PLEKHS1: variants seen among roughly 807,000 people sequenced by gnomAD.
PLEKHS1 encodes pleckstrin homology domain-containing family S member 1.
Under a neutral mutation model 51.0 loss-of-function variants are expected in PLEKHS1, and 55 were observed. The observed-to-expected ratio is 1.08, with a 90% CI of 0.87 to 1.35. The LOEUF (loss-of-function observed/expected upper bound fraction) is 1.35. Among genes scored for constraint, PLEKHS1 ranks in the 40% most tolerant of loss-of-function variants. The pLI, the probability that PLEKHS1 is intolerant of heterozygous loss-of-function variation, is 0.00. For missense variants in PLEKHS1, 398 were observed against 423.0 expected, an observed-to-expected ratio of 0.94 and a Z score of 0.52; for synonymous variants, 153 against 144.8, an observed-to-expected ratio of 1.06 and a Z score of -0.41.
exon 5 of PLEKHS1, chr10:113,767,421 G>A (rs777011662): frequency 7.4e-6 from 12 of 1,613,464 alleles, no homozygotes; most frequent in Non-Finnish European, 1.0e-5. Flanking sequence ...ATGCCACCCT[G>A]ATGAGGTCAT....
At chr10:113,760,705 A>C (rs1358282876) in intron 2 of PLEKHS1, among the ~76,000 whole-genome samples, 2 of 152,020 alleles carry the variant, frequency 1.3e-5, no homozygotes, top group East Asian at 3.9e-4. Context: ...TATATTCTGG[A>C]TAGTAGGCCC....
intron 7 of PLEKHS1, among the ~76,000 whole-genome samples, chr10:113,770,995 G>A (rs531713823): frequency 6.6e-6 from 1 of 152,266 alleles, no homozygotes; most frequent in African/African-American, 2.4e-5. Flanking sequence ...AAACACACCT[G>A]TATTTTAAAA....
At chr10:113,775,974 C>A in intron 11 of PLEKHS1, 108 bp downstream of exon 11, 1 of 775,768 alleles carries the variant, frequency 1.3e-6, no homozygotes, top group Non-Finnish European at 2.0e-6. Context: ...AGGTTTGGGG[C>A]GGGGGAGCTT....
At chr10:113,758,183 CAGA>C (rs1035049159) in intron 2 of PLEKHS1, among the ~76,000 whole-genome samples, 1 of 152,122 alleles carries the variant, frequency 6.6e-6, no homozygotes, top group Non-Finnish European at 1.5e-5. Flanking sequence ...GAATCCTTTC[CAGA>C]AGGTTTTCAA....
intron 1 of PLEKHS1, among the ~76,000 whole-genome samples, chr10:113,752,077 A>T (rs1011078686): frequency 1.3e-5 from 2 of 152,156 alleles, no homozygotes; most frequent in Non-Finnish European, 2.9e-5. Flanking sequence ...GTTTGGGGGC[A>T]ATGACAAGAA....
intron 2 of PLEKHS1, chr10:113,765,359 G>A (rs1422952436): frequency 3.8e-6 from 3 of 779,450 alleles, no homozygotes; most frequent in Non-Finnish European, 7.2e-6. Flanking sequence ...CCAATGCCCT[G>A]TAAATTATAA....
chr10:113,760,876 C>T (rs916913368), intron 2 of PLEKHS1, among the ~76,000 whole-genome samples: 1 of 152,104 alleles, frequency 6.6e-6, no homozygotes, highest in Admixed American at 6.6e-5. Context: ...TCTAAGAATA[C>T]ATTGTCAAAT....
chr10:113,782,414 A>T (rs775455230), exon 12 of PLEKHS1: 1 of 152,064 alleles, frequency 6.6e-6, no homozygotes, highest in Non-Finnish European at 1.5e-5. Context: ...AGTATTAAAA[A>T]TTTTTCATTT....
downstream of PLEKHS1, chr10:113,783,249 A>T (rs1160747640): frequency 6.6e-6 from 1 of 152,132 alleles, no homozygotes; most frequent in Admixed American, 6.5e-5. Flanking sequence ...AAAAAAAAAA[A>T]ATCATGTGGG....
chr10:113,769,724 G>T, intron 6 of PLEKHS1, 60 bp from the exon 7 acceptor site: 1 of 1,034,372 alleles, frequency 9.7e-7, no homozygotes, highest in East Asian at 2.4e-5. Context: ...TAGAGAGGCT[G>T]CCGTTTCATT....
intron 8 of PLEKHS1, among the ~76,000 whole-genome samples, chr10:113,773,067 G>C (rs759154828): frequency 2.6e-5 from 4 of 152,214 alleles, no homozygotes; most frequent in African/African-American, 7.2e-5. Flanking sequence ...TTTTCCGTAA[G>C]ATGGTGACGT....
At chr10:113,780,748 TA>T in exon 12 of PLEKHS1, 1 of 1,582,034 alleles carries the variant, frequency 6.3e-7, no homozygotes. Flanking sequence ...GTCCGGCCAT[TA>T]AAAAGAGCCA....
intron 7 of PLEKHS1, 43 bp from the exon 8 acceptor site, chr10:113,771,927 T>C (rs1276085793): frequency 1.9e-6 from 3 of 1,582,906 alleles, no homozygotes; most frequent in Non-Finnish European, 2.6e-6. Context: ...TAATTCTATC[T>C]CTTGCAAAGA....
At chr10:113,766,863 A>C in intron 4 of PLEKHS1, 145 bp downstream of exon 4, 1 of 611,424 alleles carries the variant, frequency 1.6e-6, no homozygotes, top group Non-Finnish European at 2.8e-6. Context: ...AATAGGAGCT[A>C]AAATAGTGAG....
At chr10:113,766,908 C>T (rs1844187935) in intron 4 of PLEKHS1, among the ~76,000 whole-genome samples, 190 bp downstream of exon 4, 2 of 152,134 alleles carry the variant, frequency 1.3e-5, no homozygotes, top group South Asian at 4.1e-4. Context: ...ATATTTGTTT[C>T]ATATTGTATG....
At chr10:113,757,492 C>A (rs984336749) in intron 2 of PLEKHS1, among the ~76,000 whole-genome samples, 6 of 152,188 alleles carry the variant, frequency 3.9e-5, no homozygotes, top group Admixed American at 2.0e-4. Flanking sequence ...AATTTGCATA[C>A]CTTAATTAAA....
At chr10:113,778,643 C>CCTT (rs546670683) in intron 11 of PLEKHS1, among the ~76,000 whole-genome samples, 3 of 127,114 alleles carry the variant, frequency 2.4e-5, no homozygotes, top group Non-Finnish European at 4.8e-5. Context: ...CGTTCACTTT[C>CCTT]TTTTTTTTTT....
chr10:113,755,186 G>T, intron 1 of PLEKHS1, 73 bp from the exon 2 acceptor site: 2 of 1,502,952 alleles, frequency 1.3e-6, no homozygotes, highest in South Asian at 2.7e-5. Flanking sequence ...GATACTCACT[G>T]ACCAGCGGTG....
exon 12 of PLEKHS1, chr10:113,781,171 T>C (rs1844853904): frequency 5.2e-6 from 1 of 193,420 alleles, no homozygotes; most frequent in Non-Finnish European, 1.1e-5. Context: ...GGAGATGTGA[T>C]AGCTGATCAG....
Sources: gnomAD v4.1 joint callset for allele counts (sites outside exome capture counted in the v4.1 genomes callset) on GRCh38, gnomAD v4.1.1 for gene constraint, MANE v1.5 for transcripts, NCBI Gene and HGNC (gene_info 2026-07-23, HGNC 2026-07-21) for gene names.